Variants in IST1 observed in about 807,000 individuals in gnomAD.
The protein encoded by IST1 is IST1 homolog.
In IST1, 23 loss-of-function variants were observed where a neutral mutation model predicts 37.0. That is an observed-to-expected ratio of 0.62 (90% CI 0.45 to 0.88). The LOEUF (loss-of-function observed/expected upper bound fraction) is 0.88, where lower values mean the gene tolerates loss of function less well. Among genes scored for constraint, IST1 ranks in the 40% least tolerant of loss-of-function variants. The pLI, the probability that IST1 is intolerant of heterozygous loss-of-function variation, is 0.00. For missense variants in IST1, 488 were observed against 445.4 expected (o/e 1.10, Z -0.86); for synonymous variants, 180 against 161.7 (o/e 1.11, Z -0.86).
intron 1 of IST1, among the ~76,000 whole-genome samples, chr16:71,905,710 A>T: frequency 6.6e-6 from 1 of 152,166 alleles, no homozygotes; most frequent in East Asian, 1.9e-4. Context: ...CTTCCAGTCA[A>T]TGTTTTTCCA....
chr16:71,926,781 T>C (rs1763748751), intron 9 of IST1, among the ~76,000 whole-genome samples: 1 of 152,210 alleles, frequency 6.6e-6, no homozygotes, highest in Non-Finnish European at 1.5e-5. Flanking sequence ...TATTTTGATT[T>C]TTTTGTAATT....
chr16:71,894,748 C>A (rs980648092), upstream of IST1: 5 of 816,590 alleles, frequency 6.1e-6, no homozygotes, highest in Non-Finnish European at 7.8e-6. Context: ...GGTGTCCAGG[C>A]TGGTCTGCAA....
intron 2 of IST1, 120 bp from the exon 3 acceptor site, chr16:71,916,342 A>G (rs2037465581): frequency 3.3e-6 from 3 of 913,014 alleles, no homozygotes; most frequent in Non-Finnish European, 3.3e-6. Flanking sequence ...TAGATTTGCT[A>G]AAGGAGAGGA....
At chr16:71,895,866 C>T (rs1050280079) in intron 1 of IST1, among the ~76,000 whole-genome samples, 2 of 152,340 alleles carry the variant, frequency 1.3e-5, no homozygotes, top group South Asian at 2.1e-4. Flanking sequence ...AGCCCCTTAA[C>T]TTTCCCCTAG....
At chr16:71,916,728 T>G in intron 3 of IST1, 86 bp downstream of exon 3, 1 of 1,135,824 alleles carries the variant, frequency 8.8e-7, no homozygotes, top group Non-Finnish European at 1.3e-6. Flanking sequence ...AAGGGACTAT[T>G]TCACATGCCC....
intron 1 of IST1, among the ~76,000 whole-genome samples, chr16:71,909,873 A>G (rs551804248): frequency 2.6e-4 from 40 of 152,340 alleles, no homozygotes; most frequent in Admixed American, 5.9e-4. Flanking sequence ...TGATAGAGCC[A>G]TACTCAGGAA....
intron 1 of IST1, among the ~76,000 whole-genome samples, chr16:71,909,095 C>CTTTTTTTT (rs34086105): frequency 4.9e-5 from 5 of 102,928 alleles, no homozygotes; most frequent in Non-Finnish European, 7.5e-5. Context: ...TTTTGTTTGT[C>CTTTTTTTT]TTTTTTTTTT....
chr16:71,920,276 G>A (rs756246490), intron 4 of IST1, among the ~76,000 whole-genome samples: 6 of 152,198 alleles, frequency 3.9e-5, no homozygotes, highest in Non-Finnish European at 7.3e-5. Context: ...AAAGTACAAG[G>A]ACATAGAATG....
intron 8 of IST1, chr16:71,924,060 TTC>T (rs2037677708): frequency 2.2e-6 from 1 of 450,604 alleles, no homozygotes. Context: ...TGAGCTTGCT[TTC>T]TGTTCTTTCC....
chr16:71,913,071 C>G (rs1260037600), intron 1 of IST1, among the ~76,000 whole-genome samples: 1 of 152,212 alleles, frequency 6.6e-6, no homozygotes, highest in East Asian at 1.9e-4. Context: ...CATAGGTATG[C>G]AAATAGCTCT....
chr16:71,895,625 C>G, intron 1 of IST1, 36 bp downstream of exon 1: 4 of 858,872 alleles, frequency 4.7e-6, no homozygotes, highest in Non-Finnish European at 5.6e-6. Context: ...AGGTCTCTGT[C>G]TTCCTCTTCT....
Position 71,922,700 on chromosome 16 carries a change from G to GATGTGTGTGT in IST1, c.759+24_759+25insGTGTGTATGT, listed in dbSNP as rs766520013. The GATGTGTGTGT allele has an allele frequency of 3.1e-4, 485 of 1,570,056 alleles. 2 individuals are homozygous for GATGTGTGTGT. The highest frequency in any genetic ancestry group is 1.2e-3 in the Middle Eastern group (7 of 6,010). On this transcript the variant is annotated intron_variant, in intron 7 of 9. Coordinates refer to ENST00000378799, the MANE Select transcript of IST1 (RefSeq NM_001270975.2). Reference sequence around the variant, plus strand: ...GGACCAGTAAGTATATATAAGTGTGGATGTAAGCTTTAGAAAATGTTATAG... The same window carrying GATGTGTGTGT: ...GGACCAGTAAGTATATATAAGTGTGGATGTGTGTGTATGTAAGCTTTAGAAAATGTTATAG...
intron 8 of IST1, chr16:71,924,247 A>G (rs1476524858): frequency 2.2e-6 from 1 of 447,674 alleles, no homozygotes; most frequent in Non-Finnish European, 4.5e-6. Context: ...CCCTTTGCCC[A>G]AAGGTGAAAG....
At chr16:71,924,429 CAA>C (rs2037688134) in intron 8 of IST1, 1 of 426,008 alleles carries the variant, frequency 2.3e-6, no homozygotes, top group Admixed American at 3.6e-5. Context: ...TGTCTCTACC[CAA>C]AATACAAAAA....
intron 5 of IST1, chr16:71,921,122 CA>C (rs1226440528): frequency 3.4e-6 from 2 of 596,692 alleles, no homozygotes; most frequent in African/African-American, 3.7e-5. Context: ...GCAGCAGTAT[CA>C]TCTTTTGCCA....
At chr16:71,922,965 C>G in intron 7 of IST1, 1 of 499,176 alleles carries the variant, frequency 2.0e-6, no homozygotes. Context: ...GTTTTTTCCA[C>G]AAATGAATAA....
intron 1 of IST1, among the ~76,000 whole-genome samples, chr16:71,910,981 C>CA (rs1442787674): frequency 6.6e-6 from 1 of 151,738 alleles, no homozygotes; most frequent in Non-Finnish European, 1.5e-5. Context: ...GATTTAAAAA[C>CA]AAACAAAAAA....
intron 8 of IST1, chr16:71,924,273 C>T (rs901496749): frequency 2.3e-6 from 1 of 433,100 alleles, no homozygotes; most frequent in Non-Finnish European, 4.6e-6. Flanking sequence ...TTAAAGTTGT[C>T]TTAGTATGGT....
At chr16:71,918,142 A>T (rs1477179417) in intron 4 of IST1, among the ~76,000 whole-genome samples, 1 of 152,140 alleles carries the variant, frequency 6.6e-6, no homozygotes, top group Non-Finnish European at 1.5e-5. Context: ...TTTCTCCAGA[A>T]TCCTCCTATC....
Sources: allele counts gnomAD v4.1 joint callset (sites outside exome capture counted in the v4.1 genomes callset), GRCh38; gene constraint gnomAD v4.1.1; transcripts MANE v1.5; gene names NCBI Gene and HGNC (gene_info 2026-07-23, HGNC 2026-07-21).